Variants in PCBP3 observed in about 807,000 individuals in gnomAD.
PCBP3 encodes poly(rC)-binding protein 3.
In PCBP3, 25 loss-of-function variants were observed where a neutral mutation model predicts 52.7. That is an observed-to-expected ratio of 0.47 (90% CI 0.35 to 0.66). The LOEUF is 0.66. PCBP3 is among the 30% of genes least tolerant of loss of function. The pLI, the probability that PCBP3 is intolerant of heterozygous loss-of-function variation, is 0.01. For synonymous variants in PCBP3, 162 were observed against 183.0 expected (o/e 0.89, Z 0.93); for missense variants, 391 against 490.3 (o/e 0.80, Z 1.91).
At chr21:45,931,195 T>G (rs1431060448) in intron 15 of PCBP3, among the ~76,000 whole-genome samples, 2 of 152,240 alleles carry the variant, frequency 1.3e-5, no homozygotes, top group Non-Finnish European at 1.5e-5. Flanking sequence ...CCTCCCGACT[T>G]GCATTAAAAT....
chr21:45,940,703 G>A (rs1198922056), intron 17 of PCBP3, among the ~76,000 whole-genome samples: 2 of 151,248 alleles, frequency 1.3e-5, no homozygotes, highest in African/African-American at 2.5e-5. Context: ...CACCCCACTC[G>A]GCCTCAAGCC....
chr21:45,822,239 G>A (rs951579926), intron 4 of PCBP3, among the ~76,000 whole-genome samples: 22 of 152,142 alleles, frequency 1.4e-4, no homozygotes, highest in Non-Finnish European at 2.1e-4. Context: ...GGGAGCCATC[G>A]GGGTCCTCAG....
chr21:45,663,856 T>TAAA (rs1569090797), intron 1 of PCBP3, among the ~76,000 whole-genome samples: 1 of 152,102 alleles, frequency 6.6e-6, no homozygotes, highest in Non-Finnish European at 1.5e-5. Context: ...GGGCTCTTTT[T>TAAA]GGTTCCATAT....
At chr21:45,698,863 G>T (rs1014875365) in intron 2 of PCBP3, among the ~76,000 whole-genome samples, 1 of 152,224 alleles carries the variant, frequency 6.6e-6, no homozygotes, top group African/African-American at 2.4e-5. Context: ...ACCAAAGGAA[G>T]TGTCTTTGCT....
intron 5 of PCBP3, among the ~76,000 whole-genome samples, chr21:45,886,538 G>A (rs1219978606): frequency 2.1e-5 from 3 of 146,162 alleles, no homozygotes; most frequent in Non-Finnish European, 3.0e-5. Context: ...CTGGTACCAA[G>A]GGCAGAGGAT....
chr21:45,659,257 G>C (rs1357332743), intron 1 of PCBP3, among the ~76,000 whole-genome samples: 3 of 150,114 alleles, frequency 2.0e-5, no homozygotes, highest in Non-Finnish European at 4.4e-5. Flanking sequence ...TTTAACATAG[G>C]TGTTTACAGC....
chr21:45,734,691 A>G (rs1485534782), intron 2 of PCBP3, among the ~76,000 whole-genome samples: 2 of 151,912 alleles, frequency 1.3e-5, no homozygotes, highest in African/African-American at 2.4e-5. Flanking sequence ...GATGCAACCC[A>G]TTTGCTTCCC....
In PCBP3 at chr21:45,928,244, C is replaced by T. The variant is rs982728656; in HGVS notation, c.718-1673C>T. Reference sequence around the variant, plus strand: ...CCCCCACAAGCTCTCCTGGCACCCTCGTCAGGGGCTTCCACACACATCCCC... The same window carrying T: ...CCCCCACAAGCTCTCCTGGCACCCTTGTCAGGGGCTTCCACACACATCCCC... On this transcript the variant is annotated intron_variant, in intron 13 of 17. Coordinates refer to ENST00000681687, the MANE Select transcript of PCBP3 (RefSeq NM_001384156.1). The surrounding 1 kb of genome is among the most constrained non-coding windows in gnomAD (Gnocchi z 4.1). 7.2e-5 allele frequency among the ~76,000 whole-genome samples: 11 copies of T among 152,310 alleles called. No homozygotes were observed. The highest frequency in any genetic ancestry group is 4.6e-4 in the Admixed American group (7 of 15,312).
intron 4 of PCBP3, among the ~76,000 whole-genome samples, chr21:45,831,790 A>T (rs1231785300): frequency 6.6e-6 from 1 of 152,202 alleles, no homozygotes; most frequent in Non-Finnish European, 1.5e-5. Flanking sequence ...GGCTCACTGC[A>T]ACTTCCACCT....
intron 2 of PCBP3, among the ~76,000 whole-genome samples, chr21:45,708,814 G>A (rs778750463): frequency 2.0e-5 from 3 of 152,230 alleles, no homozygotes; most frequent in Non-Finnish European, 4.4e-5. Context: ...AAGGGCGGAA[G>A]AATCCTTTGT....
chr21:45,762,898 C>G (rs1482613164), intron 4 of PCBP3: 1 of 152,242 alleles, frequency 6.6e-6, no homozygotes, highest in African/African-American at 2.4e-5. Context: ...TAGGTAAGGC[C>G]AGCAGCAACC....
chr21:45,839,555 A>C (rs1369995289), intron 4 of PCBP3, among the ~76,000 whole-genome samples: 1 of 152,210 alleles, frequency 6.6e-6, no homozygotes, highest in African/African-American at 2.4e-5. Context: ...TCACAGGAGA[A>C]AGGTAATTTG....
At chr21:45,763,112 G>C (rs2073474699) in intron 4 of PCBP3, 1 of 152,256 alleles carries the variant, frequency 6.6e-6, no homozygotes. Context: ...TGGAGCAGCA[G>C]TGCTCGGCGA....
chr21:45,727,252 T>C (rs1283089757), intron 2 of PCBP3, among the ~76,000 whole-genome samples: 1 of 152,262 alleles, frequency 6.6e-6, no homozygotes, highest in Non-Finnish European at 1.5e-5. Context: ...AAAAATACAA[T>C]GTCCAGTTGT....
At chr21:45,892,198 G>A (rs75838985) in intron 5 of PCBP3, among the ~76,000 whole-genome samples, 22,941 of 152,082 alleles carry the variant, frequency 0.15, 1,852 homozygotes, top group Middle Eastern at 0.3. Flanking sequence ...GATGGACGAC[G>A]GGCAGTGCCT....
At chr21:45,854,504 T>C (rs114221999) in intron 5 of PCBP3, among the ~76,000 whole-genome samples, 2,816 of 152,318 alleles carry the variant, frequency 0.018, 88 homozygotes, top group African/African-American at 0.064. Context: ...CGTGGAATTA[T>C]ATGGCATTTG....
chr21:45,644,071 TCG>T (rs2079092166), intron 1 of PCBP3, among the ~76,000 whole-genome samples: 1 of 149,280 alleles, frequency 6.7e-6, no homozygotes, highest in Non-Finnish European at 1.5e-5. Flanking sequence ...GCGAGGGGAC[TCG>T]CGCTCCCTCA....
chr21:45,658,521 C>G (rs1215787521), intron 1 of PCBP3, among the ~76,000 whole-genome samples: 1 of 152,192 alleles, frequency 6.6e-6, no homozygotes. Context: ...CCAGGCTGGT[C>G]TTGAACTCCT....
intron 2 of PCBP3, among the ~76,000 whole-genome samples, chr21:45,706,650 A>C (rs1225623561): frequency 6.6e-6 from 1 of 152,206 alleles, no homozygotes; most frequent in Non-Finnish European, 1.5e-5. Context: ...AATTAGCACA[A>C]ATCCCAAATG....
Sources: allele counts gnomAD v4.1 joint callset (sites outside exome capture counted in the v4.1 genomes callset), GRCh38; gene constraint gnomAD v4.1.1; non-coding constraint Gnocchi (gnomAD v3.1); transcripts MANE v1.5; gene names NCBI Gene and HGNC (gene_info 2026-07-23, HGNC 2026-07-21).